The following ARRB1 variants were observed in gnomAD, a reference collection of about 807,000 sequenced individuals.
ARRB1 encodes arrestin beta 1, also known as beta-arrestin-1.
ARRB1 carries 21 observed loss-of-function variants against 56.8 expected under a neutral mutation model. The ratio of observed to expected loss-of-function variants is 0.37; its 90% CI spans 0.26 to 0.53. The LOEUF (loss-of-function observed/expected upper bound fraction) is 0.53, where lower values mean the gene tolerates loss of function less well. Among genes scored for constraint, ARRB1 ranks in the 20% least tolerant of loss-of-function variants. The pLI is 0.88. For missense variants in ARRB1, 424 were observed against 553.7 expected (o/e 0.77, Z 2.35); for synonymous variants, 210 against 218.6 (o/e 0.96, Z 0.35).
At chr11:75,306,420 C>T in intron 1 of ARRB1, 1 of 480,748 alleles carries the variant, frequency 2.1e-6, no homozygotes, top group East Asian at 6.9e-5. Context: ...CTGTGTTCTC[C>T]ATCCCCACCT....
At chr11:75,290,444 G>A (rs1591927612) in intron 1 of ARRB1, among the ~76,000 whole-genome samples, 1 of 152,050 alleles carries the variant, frequency 6.6e-6, no homozygotes, top group South Asian at 2.1e-4. Flanking sequence ...TGGTCCTCAA[G>A]CACACCAGGG....
chr11:75,322,549 G>C (rs1947363857), intron 1 of ARRB1, among the ~76,000 whole-genome samples: 1 of 152,084 alleles, frequency 6.6e-6, no homozygotes, highest in Non-Finnish European at 1.5e-5. Context: ...ACCTACTATG[G>C]GAGGGTTCTA....
intron 1 of ARRB1, among the ~76,000 whole-genome samples, chr11:75,313,460 T>G (rs918839779): frequency 1.3e-5 from 2 of 152,302 alleles, no homozygotes; most frequent in Middle Eastern, 3.4e-3. Context: ...GGGGAGAGTC[T>G]GAGGAGGAGG....
intron 1 of ARRB1, among the ~76,000 whole-genome samples, chr11:75,290,766 C>CTTGTT (rs1177453324): frequency 6.6e-6 from 1 of 151,978 alleles, no homozygotes; most frequent in Admixed American, 6.6e-5. Flanking sequence ...TTTTTGTTTT[C>CTTGTT]TTGTTTTGTT....
chr11:75,310,422 T>A (rs769569282), intron 1 of ARRB1, among the ~76,000 whole-genome samples: 28 of 152,056 alleles, frequency 1.8e-4, no homozygotes, highest in Non-Finnish European at 3.8e-4. Context: ...GGGGAAAAGG[T>A]ATAAGGAATC....
intron 1 of ARRB1, among the ~76,000 whole-genome samples, chr11:75,342,471 G>A (rs906327348): frequency 6.6e-6 from 1 of 152,212 alleles, no homozygotes; most frequent in Non-Finnish European, 1.5e-5. Flanking sequence ...GGGAGCCGAT[G>A]GGGAGCTCTG....
intron 12 of ARRB1, among the ~76,000 whole-genome samples, chr11:75,272,596 G>A (rs891591309): frequency 1.3e-5 from 2 of 152,168 alleles, no homozygotes; most frequent in South Asian, 2.1e-4. Context: ...CTCTGAGGAC[G>A]CCGTCCCCTG....
chr11:75,308,620 C>G (rs1947084883), intron 1 of ARRB1, among the ~76,000 whole-genome samples: 1 of 152,008 alleles, frequency 6.6e-6, no homozygotes, highest in African/African-American at 2.4e-5. Flanking sequence ...TGGCACACAC[C>G]TATAATGCCA....
chr11:75,310,364 A>C (rs1308421363), intron 1 of ARRB1, among the ~76,000 whole-genome samples: 1 of 152,180 alleles, frequency 6.6e-6, no homozygotes, highest in Non-Finnish European at 1.5e-5. Context: ...ACCAAGGGGA[A>C]CAAGGCCATC....
At position 75,265,749 on chromosome 11, in the gene ARRB1, C is replaced by A; in HGVS notation, c.*414G>T. 1 of 185,220 alleles carries A rather than the reference C, an allele frequency of 5.4e-6. No homozygotes were observed. Among genetic ancestry groups the A allele is most frequent in the South Asian group, 1.1e-4 (1 of 8,994 alleles). The allele number at this position is 185,220 out of a possible 1,614,324, so 11.5% of individuals were successfully genotyped here. On this transcript the variant is annotated 3_prime_UTR_variant, in exon 16 of 16. Transcript: ENST00000420843. ...TTTTAGCTGCCAGAACTTTGTTAAC[C>A]ACCTGGGACCGTGGACATCTTCTCT...
rs769467976 is a variant in ARRB1, at chr11:75,287,364, G to A, written c.63C>T (p.Tyr21=). 2 of 1,560,888 alleles carry A rather than the reference G, an allele frequency of 1.3e-6. No individual in the cohort carries two copies. The highest frequency in any genetic ancestry group is 2.4e-5 in the East Asian group (1 of 41,762). ...GGTCCACAAAGTCCCGCTTTCCCAG[G>A]TAGACGGTGAGCTGAGGAGGAGAGG... ...KASPNGKLTV[Y]LGKRDFVDHI... is the part of the protein sequence containing the mutation. The change falls in exon 3 of 16, where the codon TAC becomes TAT. Residue 21 remains tyrosine (Y), a synonymous_variant. Transcript: ENST00000420843.
chr11:75,312,229 G>T, intron 1 of ARRB1: 2 of 1,078,382 alleles, frequency 1.9e-6, no homozygotes, highest in South Asian at 1.3e-5. Context: ...GAAATGCACC[G>T]CCAGGAACTG....
chr11:75,274,335 C>G (rs573587317), intron 10 of ARRB1, 124 bp from the exon 11 acceptor site: 1 of 1,403,498 alleles, frequency 7.1e-7, no homozygotes, highest in South Asian at 1.3e-5. Flanking sequence ...ACCTCTGTCC[C>G]CCAGACACAC....
chr11:75,311,290 G>A, intron 1 of ARRB1, among the ~76,000 whole-genome samples: 1 of 152,178 alleles, frequency 6.6e-6, no homozygotes, highest in East Asian at 1.9e-4. Context: ...GAGCTGAGAT[G>A]GTGCCGTTGC....
rs752156518 is a variant in ARRB1 at position 75,265,762 on chromosome 11, G to C, written c.*401C>G. The C allele has an allele frequency of 4.4e-6, 1 of 225,746 alleles. No homozygotes were observed. Among genetic ancestry groups the C allele is most frequent in the Non-Finnish European group, 8.9e-6 (1 of 112,112 alleles). The allele number at this position is 225,746 out of a possible 1,614,324, so 14.0% of individuals were successfully genotyped here. ...AACTTTGTTAACCACCTGGGACCGT[G>C]GACATCTTCTCTCGTGTCTTGAGCC... On this transcript the variant is annotated 3_prime_UTR_variant, in exon 16 of 16. Transcript: ENST00000420843.
intron 1 of ARRB1, among the ~76,000 whole-genome samples, chr11:75,326,724 CTTTTTTTT>C (rs34937667): frequency 8.1e-5 from 10 of 123,798 alleles, no homozygotes; most frequent in Non-Finnish European, 1.3e-4. Flanking sequence ...AAATTACTGT[CTTTTTTTT>C]TTTTTTTTTT....
intron 1 of ARRB1, among the ~76,000 whole-genome samples, chr11:75,346,387 G>T (rs563861001): frequency 7.2e-5 from 11 of 152,224 alleles, no homozygotes; most frequent in Admixed American, 2.0e-4. Flanking sequence ...CTGGACATAA[G>T]GCAGAGGGAG....
intron 1 of ARRB1, among the ~76,000 whole-genome samples, chr11:75,343,807 T>C (rs973979189): frequency 6.6e-6 from 1 of 151,762 alleles, no homozygotes; most frequent in Non-Finnish European, 1.5e-5. Flanking sequence ...GTTCCTGACC[T>C]GAGTATTTTT....
chr11:75,318,627 T>C (rs1591971250), intron 1 of ARRB1, among the ~76,000 whole-genome samples: 1 of 150,960 alleles, frequency 6.6e-6, no homozygotes, highest in Non-Finnish European at 1.5e-5. Context: ...TAGGCGGAGG[T>C]GGCAGTGAGC....
Sources: gnomAD v4.1 joint callset for allele counts (sites outside exome capture counted in the v4.1 genomes callset) on GRCh38, gnomAD v4.1.1 for gene constraint, MANE v1.5 for transcripts, NCBI Gene and HGNC (gene_info 2026-07-23, HGNC 2026-07-21) for gene names.